Variants in CAMKMT observed in about 807,000 individuals in gnomAD.
The protein encoded by CAMKMT is CaM KMT.
Under a neutral mutation model 48.0 loss-of-function variants are expected in CAMKMT, and 53 were observed. That is an observed-to-expected ratio of 1.10 (90% CI 0.89 to 1.39). CAMKMT has a LOEUF of 1.39. Among genes scored for constraint, CAMKMT ranks in the 40% most tolerant of loss-of-function variants. CAMKMT has a pLI of 0.00. For synonymous variants in CAMKMT, 165 were observed against 152.3 expected, an observed-to-expected ratio of 1.08 and a Z score of -0.61; for missense variants, 428 against 402.7, an observed-to-expected ratio of 1.06 and a Z score of -0.54.
At chr2:44,594,393 G>A (rs568843473) in intron 3 of CAMKMT, among the ~76,000 whole-genome samples, 13 of 152,184 alleles carry the variant, frequency 8.5e-5, no homozygotes, top group Non-Finnish European at 1.2e-4. Context: ...GAAGCATCAC[G>A]CTACCTGACT....
At chr2:44,660,322 T>C (rs1245000540) in intron 3 of CAMKMT, among the ~76,000 whole-genome samples, 1 of 152,212 alleles carries the variant, frequency 6.6e-6, no homozygotes, top group Non-Finnish European at 1.5e-5. Flanking sequence ...ACTATTATTA[T>C]CGTTAAAATA....
intron 3 of CAMKMT, among the ~76,000 whole-genome samples, chr2:44,512,390 A>G (rs1670610408): frequency 6.6e-6 from 1 of 152,252 alleles, no homozygotes; most frequent in Admixed American, 6.5e-5. Flanking sequence ...GGCATGTTGT[A>G]AGCATTAAAT....
chr2:44,567,667 T>G (rs1228200016), intron 3 of CAMKMT, among the ~76,000 whole-genome samples: 1 of 152,160 alleles, frequency 6.6e-6, no homozygotes, highest in African/African-American at 2.4e-5. Flanking sequence ...GGATGAGAAT[T>G]GAAATAAGAT....
intron 9 of CAMKMT, among the ~76,000 whole-genome samples, chr2:44,761,688 A>C (rs1680623512): frequency 6.6e-6 from 1 of 152,166 alleles, no homozygotes. Context: ...GAGGTCTTGA[A>C]GGGCAATGCC....
chr2:44,695,905 CAA>C (rs112927433), intron 3 of CAMKMT, among the ~76,000 whole-genome samples: 5 of 124,014 alleles, frequency 4.0e-5, no homozygotes, highest in Non-Finnish European at 3.5e-5. Flanking sequence ...CCAAAATATT[CAA>C]AAAAAAAAAA....
chr2:44,591,636 AT>A (rs562479681), intron 3 of CAMKMT, among the ~76,000 whole-genome samples: 31 of 152,092 alleles, frequency 2.0e-4, no homozygotes, highest in African/African-American at 6.7e-4. Flanking sequence ...TAGTTCAACC[AT>A]TGTGGAAGTC....
At chr2:44,376,533 C>G (rs1483832608) in intron 2 of CAMKMT, among the ~76,000 whole-genome samples, 1 of 152,110 alleles carries the variant, frequency 6.6e-6, no homozygotes, top group Non-Finnish European at 1.5e-5. Flanking sequence ...CCTGCCACAG[C>G]TTAACAGAGA....
chr2:44,604,166 TAG>T (rs1671153362), intron 3 of CAMKMT, among the ~76,000 whole-genome samples: 2 of 152,292 alleles, frequency 1.3e-5, no homozygotes, highest in South Asian at 4.1e-4. Flanking sequence ...GCCCTTGAAT[TAG>T]AGGTACAATT....
rs1553401436 is a variant in CAMKMT, at chr2:44,488,871, G to GTA, written c.376+98567_376+98568insAT. Among the ~76,000 whole-genome samples the GTA allele has an allele frequency of 2.3e-3, 345 of 148,862 alleles. 1 individual carries two copies. Among genetic ancestry groups the GTA allele is most frequent in the African/African-American group, 8.0e-3 (331 of 41,140 alleles). On this transcript the variant is annotated intron_variant, in intron 3 of 10. Transcript: ENST00000378494. ...TGTGTGTGTGTGTGTGTGTGTGTGT[G>GTA]TGTGTGTTTTAAGAAATGGAGTCCC...
chr2:44,520,260 G>T (rs187586745), intron 3 of CAMKMT, among the ~76,000 whole-genome samples: 1 of 151,878 alleles, frequency 6.6e-6, no homozygotes, highest in African/African-American at 2.4e-5. Context: ...GTTGAGATGG[G>T]GTCTCGCTAT....
At chr2:44,446,137 G>C (rs957152826) in intron 3 of CAMKMT, among the ~76,000 whole-genome samples, 4 of 151,992 alleles carry the variant, frequency 2.6e-5, no homozygotes, top group African/African-American at 9.7e-5. Context: ...TAGTAGAGAT[G>C]GAGTTTCAGC....
At chr2:44,457,885 A>G (rs1280376021) in intron 3 of CAMKMT, among the ~76,000 whole-genome samples, 1 of 152,122 alleles carries the variant, frequency 6.6e-6, no homozygotes, top group Non-Finnish European at 1.5e-5. Context: ...TTGGTGATGG[A>G]TAAGCCATTC....
intron 3 of CAMKMT, among the ~76,000 whole-genome samples, chr2:44,458,853 A>T (rs1198770173): frequency 6.6e-6 from 1 of 152,166 alleles, no homozygotes; most frequent in African/African-American, 2.4e-5. Context: ...CAGTAATACG[A>T]GGTTTCTAAA....
intron 3 of CAMKMT, among the ~76,000 whole-genome samples, chr2:44,599,030 A>C (rs554514667): frequency 6.6e-6 from 1 of 152,110 alleles, no homozygotes; most frequent in African/African-American, 2.4e-5. Context: ...CCAATTATAA[A>C]TCTTTTAGCA....
chr2:44,769,944 A>G (rs1681037001), intron 10 of CAMKMT, among the ~76,000 whole-genome samples: 1 of 152,230 alleles, frequency 6.6e-6, no homozygotes, highest in Non-Finnish European at 1.5e-5. Flanking sequence ...GTTACATCCA[A>G]TTATGAAGTA....
chr2:44,516,851 C>G (rs1670856971), intron 3 of CAMKMT, among the ~76,000 whole-genome samples: 1 of 150,938 alleles, frequency 6.6e-6, no homozygotes, highest in Admixed American at 6.6e-5. Context: ...AAGCGATTCT[C>G]CTGCCTCAGC....
chr2:44,739,517 G>A (rs993034828), intron 7 of CAMKMT, among the ~76,000 whole-genome samples: 2 of 152,198 alleles, frequency 1.3e-5, no homozygotes, highest in Non-Finnish European at 2.9e-5. Context: ...GACATGTTAG[G>A]TTTGAGATGT....
At chr2:44,478,989 G>A (rs902880649) in intron 3 of CAMKMT, among the ~76,000 whole-genome samples, 6 of 152,150 alleles carry the variant, frequency 3.9e-5, no homozygotes, top group Non-Finnish European at 8.8e-5. Context: ...GTGAGCCACC[G>A]CGCCCGGCAA....
intron 3 of CAMKMT, among the ~76,000 whole-genome samples, chr2:44,445,328 A>G (rs981417339): frequency 7.9e-5 from 12 of 152,112 alleles, no homozygotes; most frequent in African/African-American, 2.9e-4. Context: ...TCTTTCCCTC[A>G]CATACCCCAG....
Sources: allele counts gnomAD v4.1 joint callset (sites outside exome capture counted in the v4.1 genomes callset), GRCh38; gene constraint gnomAD v4.1.1; transcripts MANE v1.5; gene names NCBI Gene and HGNC (gene_info 2026-07-23, HGNC 2026-07-21).